Variants in CEP20 observed in about 807,000 individuals in gnomAD.
The protein encoded by CEP20 is centrosomal protein 20.
A neutral mutation model predicts 20.0 loss-of-function variants in CEP20; 18 were observed. That is an observed-to-expected ratio of 0.90 (90% CI 0.62 to 1.34). The LOEUF is 1.34. CEP20 is among the 40% of genes most tolerant of loss of function. The pLI, the probability that CEP20 is intolerant of heterozygous loss-of-function variation, is 0.00. For synonymous variants in CEP20, 77 were observed against 73.7 expected (o/e 1.04, Z -0.23); for missense variants, 215 against 201.6 (o/e 1.07, Z -0.40).
chr16:15,882,317 G>A (rs1019396603), intron 2 of CEP20, among the ~76,000 whole-genome samples: 2 of 152,110 alleles, frequency 1.3e-5, no homozygotes, highest in African/African-American at 2.4e-5. Context: ...CGAGGAGGGC[G>A]GATCACGAGG....
intron 2 of CEP20, among the ~76,000 whole-genome samples, chr16:15,882,021 TG>T (rs941084179): frequency 1.0e-3 from 158 of 152,218 alleles, no homozygotes; most frequent in African/African-American, 3.7e-3. Context: ...GTTTGGGTCA[TG>T]GGGGTGGATC....
chr16:15,882,239 C>G (rs2045115265), intron 2 of CEP20, among the ~76,000 whole-genome samples: 1 of 152,180 alleles, frequency 6.6e-6, no homozygotes, highest in South Asian at 2.1e-4. Flanking sequence ...GAACCGTGAG[C>G]CAAGTAAACC....
At chr16:15,875,655 G>A (rs778926203) in intron 3 of CEP20, among the ~76,000 whole-genome samples, 6 of 152,080 alleles carry the variant, frequency 3.9e-5, no homozygotes, top group Non-Finnish European at 8.8e-5. Flanking sequence ...AGAAAAGTGC[G>A]GCCTCACAAT....
At chr16:15,880,964 C>T (rs998675615) in intron 2 of CEP20, among the ~76,000 whole-genome samples, 3 of 151,930 alleles carry the variant, frequency 2.0e-5, no homozygotes, top group Admixed American at 1.3e-4. Context: ...AGGGCTCCCA[C>T]TGATTCTACA....
chr16:15,882,758 T>TACACACACACA (rs1280415396), intron 2 of CEP20, among the ~76,000 whole-genome samples: 72 of 126,470 alleles, frequency 5.7e-4, no homozygotes, highest in African/African-American at 2.1e-3. Flanking sequence ...TATCTATCTA[T>TACACACACACA]CTATCTATCT....
At chr16:15,883,227 G>A (rs564638209) in intron 2 of CEP20, among the ~76,000 whole-genome samples, 2 of 152,122 alleles carry the variant, frequency 1.3e-5, no homozygotes, top group African/African-American at 4.8e-5. Flanking sequence ...GCTGGGCATG[G>A]AGGCATGCAC....
chr16:15,886,459 T>C (rs1371277652), intron 1 of CEP20, among the ~76,000 whole-genome samples: 1 of 152,176 alleles, frequency 6.6e-6, no homozygotes, highest in East Asian at 1.9e-4. Flanking sequence ...TCTAATTCCA[T>C]CTTTGGAAAT....
Position 15,888,175 on chromosome 16 carries a change from C to A in CEP20, c.28+383G>T, listed in dbSNP as rs183494983. Among the ~76,000 whole-genome samples the A allele has an allele frequency of 2.6e-5, 4 of 151,848 alleles. No individual in the cohort carries two copies. In the East Asian group the frequency reaches 7.8e-4, roughly 29 times the overall value. Reference sequence around the variant, plus strand: ...GCAAATTGTTTAGGGCAGTGCCTAACCCAATAGGGGTTGTGGGAATTGTAG... The same window carrying A: ...GCAAATTGTTTAGGGCAGTGCCTAAACCAATAGGGGTTGTGGGAATTGTAG... On this transcript the variant is annotated intron_variant, in intron 1 of 4. Transcript: ENST00000255759.
At chr16:15,876,431 C>T (rs1263429918) in intron 3 of CEP20, among the ~76,000 whole-genome samples, 19 of 151,560 alleles carry the variant, frequency 1.3e-4, no homozygotes, top group African/African-American at 4.4e-4. Flanking sequence ...GCCGAGATCA[C>T]GCCACTGCAC....
At chr16:15,878,159 A>AAAGATGCTCCAATAGAAGTT (rs368817215) in intron 3 of CEP20, among the ~76,000 whole-genome samples, 2 of 152,192 alleles carry the variant, frequency 1.3e-5, no homozygotes, top group African/African-American at 4.8e-5. Context: ...AACAGAAAGG[A>AAAGATGCTCCAATAGAAGTT]AAGATGCTCC....
At chr16:15,886,466 A>T (rs370248648) in intron 1 of CEP20, among the ~76,000 whole-genome samples, 9 of 152,276 alleles carry the variant, frequency 5.9e-5, no homozygotes, top group Admixed American at 2.0e-4. Flanking sequence ...CCATCTTTGG[A>T]AATTGGATGG....
rs2044681766 is a variant in CEP20, at chr16:15,866,465, G to C, written c.*975C>G. 1 of 152,144 alleles carries C rather than the reference G, an allele frequency of 6.6e-6. No individual in the cohort carries two copies. The highest frequency in any genetic ancestry group is 2.4e-5 in the African/African-American group (1 of 41,440). The allele number at this position is 152,144 out of a possible 1,614,324, so 9.4% of individuals were successfully genotyped here. ...GTTGTTTTCAATGAAATGAGCCTGT[G>C]GACACTACATTAAAAATACTTCTTT... On this transcript the variant is annotated 3_prime_UTR_variant, in exon 5 of 5. Coordinates refer to ENST00000255759, the MANE Select transcript of CEP20 (RefSeq NM_144600.4).
intron 3 of CEP20, among the ~76,000 whole-genome samples, chr16:15,878,284 TAATCAGA>T (rs973418679): frequency 2.6e-5 from 4 of 152,052 alleles, no homozygotes; most frequent in Non-Finnish European, 5.9e-5. Flanking sequence ...CTTCCAGGCA[TAATCAGA>T]AATCAGGTGT....
At chr16:15,875,468 G>A (rs1245486946) in intron 3 of CEP20, among the ~76,000 whole-genome samples, 2 of 152,036 alleles carry the variant, frequency 1.3e-5, no homozygotes, top group South Asian at 2.1e-4. Context: ...ACAACATAGC[G>A]AGTCCCCTAG....
chr16:15,888,536 A>C (rs766198527), intron 1 of CEP20, 22 bp downstream of exon 1: 2 of 1,614,060 alleles, frequency 1.2e-6, no homozygotes, highest in Admixed American at 1.7e-5. Context: ...TCCCATGTGG[A>C]GGCCTCCCTG....
rs771294473 is a variant in CEP20, at chr16:15,884,248, T to C, written c.29-43A>G. 3.0e-5 allele frequency: 46 copies of C among 1,552,764 alleles called. No individual in the cohort carries two copies. The South Asian group carries it at 5.2e-4, about 18-fold the overall frequency. On this transcript the variant is annotated intron_variant, in intron 1 of 4. Coordinates refer to ENST00000255759, the MANE Select transcript of CEP20 (RefSeq NM_144600.4). ...TTAAGGCTTCAGTTACAGAGTAAAT[T>C]TGTCATTCTTAGGCATACTTTGAAA...
chr16:15,888,076 TAA>T (rs60631057), intron 1 of CEP20, among the ~76,000 whole-genome samples: 24,419 of 130,500 alleles, frequency 0.19, 2,011 homozygotes, highest in East Asian at 0.23. Flanking sequence ...ACCCTCTCTT[TAA>T]AAAAAAAAAA....
chr16:15,887,384 T>C (rs2045270662), intron 1 of CEP20, among the ~76,000 whole-genome samples: 1 of 152,214 alleles, frequency 6.6e-6, no homozygotes, highest in South Asian at 2.1e-4. Context: ...CCCTAAAATA[T>C]CTAAGAATTA....
At chr16:15,886,822 C>A (rs1037049845) in intron 1 of CEP20, among the ~76,000 whole-genome samples, 4 of 152,170 alleles carry the variant, frequency 2.6e-5, no homozygotes, top group African/African-American at 9.6e-5. Flanking sequence ...ATGCTTAGAA[C>A]ACTGCGCCAT....
Sources: gnomAD v4.1 joint callset for allele counts (sites outside exome capture counted in the v4.1 genomes callset) on GRCh38, gnomAD v4.1.1 for gene constraint, MANE v1.5 for transcripts, NCBI Gene and HGNC (gene_info 2026-07-23, HGNC 2026-07-21) for gene names.